The following DUSP29 variants were observed in gnomAD, a reference collection of about 807,000 sequenced individuals.
The protein encoded by DUSP29 is atypical dual-specific protein phosphatase.
A neutral mutation model predicts 13.5 loss-of-function variants in DUSP29; 12 were observed. The observed-to-expected ratio is 0.89, with a 90% CI of 0.57 to 1.44. The LOEUF (loss-of-function observed/expected upper bound fraction) is 1.44. Among genes scored for constraint, DUSP29 ranks in the 40% most tolerant of loss-of-function variants. DUSP29 has a pLI of 0.00. For missense variants in DUSP29, 308 were observed against 301.1 expected (o/e 1.02, Z -0.17); for synonymous variants, 134 against 128.7 (o/e 1.04, Z -0.28).
rs1175633248 is a variant in DUSP29, at chr10:75,037,733, C to T, written c.*103G>A. 3.3e-6 allele frequency: 5 copies of T among 1,496,596 alleles called. No homozygotes were observed. The highest frequency in any genetic ancestry group is 2.7e-5 in the South Asian group (2 of 75,468). The allele number at this position is 1,496,596 out of a possible 1,614,324, so 92.7% of individuals were successfully genotyped here. ...GTTGAACAAGATGGTTTGGAAGAGT[C>T]GAGCTTCGGTTTCACCATCCCTTCT... On this transcript the variant is annotated 3_prime_UTR_variant, in exon 4 of 4. Transcript: ENST00000338487.
chr10:75,040,709 C>T (rs1037243445), intron 3 of DUSP29, among the ~76,000 whole-genome samples: 5 of 152,194 alleles, frequency 3.3e-5, no homozygotes, highest in African/African-American at 4.8e-5. Flanking sequence ...GTCCTGATGG[C>T]GCTGCCTCTG....
At chr10:75,058,945 GAAGATTCCT>G (rs1240157863) in intron 1 of DUSP29, among the ~76,000 whole-genome samples, 7 of 152,220 alleles carry the variant, frequency 4.6e-5, no homozygotes, top group African/African-American at 1.7e-4. Flanking sequence ...GGAAGGCCCA[GAAGATTCCT>G]GACATTCCAG....
intron 3 of DUSP29, among the ~76,000 whole-genome samples, chr10:75,042,137 C>T (rs1006429804): frequency 4.6e-5 from 7 of 152,252 alleles, no homozygotes; most frequent in Non-Finnish European, 8.8e-5. Context: ...CTATGCTAAG[C>T]GCTTTACGCG....
chr10:75,038,130 G>A (rs1846505632), intron 3 of DUSP29, 53 bp from the exon 4 acceptor site: 1 of 1,574,418 alleles, frequency 6.4e-7, no homozygotes, highest in Non-Finnish European at 8.6e-7. Context: ...GGTGTTGGGG[G>A]CACAGGTAGG....
At chr10:75,061,097 T>C (rs1301958410) in intron 1 of DUSP29, among the ~76,000 whole-genome samples, 2 of 152,160 alleles carry the variant, frequency 1.3e-5, no homozygotes, top group African/African-American at 4.8e-5. Context: ...TTGGCCAAGC[T>C]GGTCTCGAAC....
At chr10:75,069,601 G>A (rs1564647254) in intron 1 of DUSP29, among the ~76,000 whole-genome samples, 1 of 152,174 alleles carries the variant, frequency 6.6e-6, no homozygotes, top group Non-Finnish European at 1.5e-5. Flanking sequence ...AGGACGCTCT[G>A]GGCCTTGGGA....
chr10:75,054,158 G>A (rs1846906731), intron 2 of DUSP29, among the ~76,000 whole-genome samples: 1 of 152,188 alleles, frequency 6.6e-6, no homozygotes, highest in African/African-American at 2.4e-5. Context: ...ACTTGGACAT[G>A]AGGTGCAGGG....
intron 1 of DUSP29, among the ~76,000 whole-genome samples, chr10:75,062,483 G>C (rs1013554466): frequency 6.6e-6 from 1 of 152,140 alleles, no homozygotes; most frequent in Non-Finnish European, 1.5e-5. Flanking sequence ...TGAAAGCCTC[G>C]GCTGGATTTC....
chr10:75,055,798 T>C (rs1846946314), intron 2 of DUSP29, among the ~76,000 whole-genome samples: 1 of 152,242 alleles, frequency 6.6e-6, no homozygotes, highest in East Asian at 1.9e-4. Flanking sequence ...AGAGTTTCTG[T>C]ACACCCCTCT....
chr10:75,048,765 C>A (rs568995225), intron 2 of DUSP29, among the ~76,000 whole-genome samples: 1 of 152,138 alleles, frequency 6.6e-6, no homozygotes, highest in Non-Finnish European at 1.5e-5. Context: ...GTTAGTTCAC[C>A]TGATGGGAAA....
chr10:75,044,034 GA>G lies in DUSP29; in HGVS notation c.201-18del. On this transcript the variant is annotated intron_variant, in intron 2 of 3. Transcript: ENST00000338487. ...GCCGTCGCCCTGGGCGCAGGGGAGA[GA>G]AATCTGTGGGCGCGCGGCGCCCTGC... 1 of 1,598,186 alleles carries G rather than the reference GA, an allele frequency of 6.3e-7. No individual in the cohort carries two copies. The highest frequency in any genetic ancestry group is 8.5e-7 in the Non-Finnish European group (1 of 1,172,214).
At chr10:75,071,605 T>C (rs962054419) in intron 1 of DUSP29, among the ~76,000 whole-genome samples, 5 of 152,122 alleles carry the variant, frequency 3.3e-5, no homozygotes, top group Non-Finnish European at 7.4e-5. Flanking sequence ...CCACTGGCTC[T>C]CTCCTCACCC....
chr10:75,058,402 G>T lies in DUSP29; in HGVS notation c.113C>A (p.Ala38Asp), dbSNP rs746874464. The T allele has an allele frequency of 4.3e-6, 7 of 1,614,092 alleles. No homozygotes were observed. The highest frequency in any genetic ancestry group is 3.3e-5 in the Admixed American group (2 of 60,012). ...GEEEDYCTPG[A>D]FELERLFWKG... ...CCAGAAGAGCCGCTCCAGCTCAAAG[G>T]CTCCAGGGGTGCAGTAGTCCTCCTC... is the stretch of plus-strand genomic sequence containing the variant. Residue 38 changes from alanine (A) to aspartate (D), a missense_variant, in exon 2 of 4, where the codon GCC (alanine) becomes GAC (aspartate). Ala to Asp is a moderately radical substitution (Grantham distance 126). Coordinates refer to ENST00000338487, the MANE Select transcript of DUSP29 (RefSeq NM_001003892.3).
At chr10:75,061,091 C>G (rs1847077912) in intron 1 of DUSP29, among the ~76,000 whole-genome samples, 1 of 152,086 alleles carries the variant, frequency 6.6e-6, no homozygotes, top group South Asian at 2.1e-4. Context: ...GCTATGTTGG[C>G]CAAGCTGGTC....
intron 3 of DUSP29, among the ~76,000 whole-genome samples, chr10:75,038,313 G>A (rs1406760565): frequency 6.6e-6 from 1 of 152,190 alleles, no homozygotes; most frequent in Non-Finnish European, 1.5e-5. Context: ...TTGTGCTAAT[G>A]AATGGCTGCT....
intron 1 of DUSP29, among the ~76,000 whole-genome samples, chr10:75,059,474 T>G (rs1002797940): frequency 6.6e-6 from 1 of 152,212 alleles, no homozygotes. Context: ...ATTTGACAAA[T>G]ACTTATATAA....
intron 1 of DUSP29, among the ~76,000 whole-genome samples, chr10:75,071,320 G>A (rs1020900838): frequency 2.6e-5 from 4 of 152,180 alleles, no homozygotes; most frequent in African/African-American, 9.7e-5. Flanking sequence ...AGGAAACACC[G>A]CCAGGCCTCG....
At chr10:75,065,978 A>AT (rs538595162) in intron 1 of DUSP29, among the ~76,000 whole-genome samples, 5 of 151,968 alleles carry the variant, frequency 3.3e-5, no homozygotes, top group Admixed American at 2.6e-4. Flanking sequence ...TGATCCTCCC[A>AT]TTTCAGCCTC....
chr10:75,069,316 G>A (rs1041534792), intron 1 of DUSP29, among the ~76,000 whole-genome samples: 13 of 152,204 alleles, frequency 8.5e-5, no homozygotes, highest in African/African-American at 3.1e-4. Flanking sequence ...AGAGGGAGCT[G>A]TGGCACTGGA....
Sources: gnomAD v4.1 joint callset for allele counts (sites outside exome capture counted in the v4.1 genomes callset) on GRCh38, gnomAD v4.1.1 for gene constraint, MANE v1.5 for transcripts, NCBI Gene and HGNC (gene_info 2026-07-23, HGNC 2026-07-21) for gene names.